REEP1: variants seen among roughly 807,000 people sequenced by gnomAD.
REEP1 encodes the protein receptor accessory protein 1.
Under a neutral mutation model 40.3 loss-of-function variants are expected in REEP1, and 22 were observed. That is an observed-to-expected ratio of 0.55 (90% confidence interval 0.39 to 0.78). The LOEUF (loss-of-function observed/expected upper bound fraction) is 0.78. REEP1 is among the 30% of genes least tolerant of loss of function. The pLI is 0.00. For missense variants in REEP1, 280 were observed against 361.1 expected (o/e 0.78, Z 1.82); for synonymous variants, 116 against 139.2 (o/e 0.83, Z 1.17).
chr2:86,279,248 AG>A (rs1231005530), intron 2 of REEP1, among the ~76,000 whole-genome samples: 1 of 152,238 alleles, frequency 6.6e-6, no homozygotes, highest in Non-Finnish European at 1.5e-5. Context: ...TTGAGATTAC[AG>A]CGCTGAAGAC....
At chr2:86,230,744 G>A (rs1183096697) in intron 6 of REEP1, among the ~76,000 whole-genome samples, 1 of 152,204 alleles carries the variant, frequency 6.6e-6, no homozygotes, top group South Asian at 2.1e-4. Context: ...CTCTACAAAG[G>A]GGTGTCATTC....
intron 3 of REEP1, chr2:86,255,121 G>A (rs1019613462): frequency 1.6e-5 from 5 of 316,396 alleles, no homozygotes; most frequent in Middle Eastern, 1.0e-3. Context: ...CTTCCTGCTG[G>A]GCTGTGCTCA....
chr2:86,273,279 T>A (rs1677562554), intron 2 of REEP1, among the ~76,000 whole-genome samples: 1 of 149,872 alleles, frequency 6.7e-6, no homozygotes, highest in Non-Finnish European at 1.5e-5. Flanking sequence ...AACTGGCCCC[T>A]ACCTTTTTTT....
intron 1 of REEP1, among the ~76,000 whole-genome samples, chr2:86,307,307 A>G (rs965495901): frequency 4.6e-5 from 7 of 152,208 alleles, no homozygotes; most frequent in South Asian, 2.1e-4. Flanking sequence ...ACCATTACCT[A>G]TAGTCACACA....
At chr2:86,278,365 ATT>A (rs1309408983) in intron 2 of REEP1, among the ~76,000 whole-genome samples, 2 of 152,190 alleles carry the variant, frequency 1.3e-5, no homozygotes, top group African/African-American at 4.8e-5. Context: ...AATGCTGAAT[ATT>A]AAGGTTGGGT....
intron 6 of REEP1, among the ~76,000 whole-genome samples, chr2:86,231,232 TG>T (rs567671736): frequency 3.7e-4 from 55 of 149,596 alleles, no homozygotes; most frequent in East Asian, 1.9e-3. Flanking sequence ...ATTCCATTCC[TG>T]GGGGGGGGTC....
chr2:86,262,876 T>C lies in REEP1; in HGVS notation c.182+1089A>G, dbSNP rs1170059130. ...TTAAATACAAACAGAAATCGATATA[T>C]TATTTACAGCTTCTTTCGCCTAAGA... On this transcript the variant is annotated intron_variant, in intron 3 of 8. Transcript: ENST00000538924. Among the ~76,000 whole-genome samples, 4 of 152,252 alleles carry C rather than the reference T, an allele frequency of 2.6e-5. No individual in the cohort carries two copies. The East Asian group carries it at 7.7e-4, about 29-fold the overall frequency.
chr2:86,258,912 T>C (rs1676708519), intron 3 of REEP1, among the ~76,000 whole-genome samples: 1 of 152,192 alleles, frequency 6.6e-6, no homozygotes. Context: ...GACAGATGTG[T>C]TCTAAGAGGG....
chr2:86,228,703 C>T (rs543202844), intron 6 of REEP1, among the ~76,000 whole-genome samples: 10 of 152,228 alleles, frequency 6.6e-5, no homozygotes, highest in Non-Finnish European at 1.5e-4. Flanking sequence ...GGTGATCCAC[C>T]CGCCTTGGCC....
intron 1 of REEP1, among the ~76,000 whole-genome samples, chr2:86,328,292 A>G (rs1259119839): frequency 6.6e-6 from 1 of 152,234 alleles, no homozygotes; most frequent in Non-Finnish European, 1.5e-5. Flanking sequence ...ACTCAGCCCA[A>G]TATTCTGTCT....
At chr2:86,298,388 G>A (rs768242014) in intron 1 of REEP1, among the ~76,000 whole-genome samples, 10 of 152,212 alleles carry the variant, frequency 6.6e-5, no homozygotes, top group Non-Finnish European at 1.0e-4. Context: ...CATCACACCC[G>A]CTCCCTGGAT....
chr2:86,229,052 C>G (rs1281377700), intron 6 of REEP1, among the ~76,000 whole-genome samples: 1 of 152,204 alleles, frequency 6.6e-6, no homozygotes, highest in Non-Finnish European at 1.5e-5. Flanking sequence ...CCACGAGGTG[C>G]AGCTCCCACC....
At chr2:86,283,437 G>A (rs1000990222) in intron 1 of REEP1, among the ~76,000 whole-genome samples, 1 of 152,264 alleles carries the variant, frequency 6.6e-6, no homozygotes, top group South Asian at 2.1e-4. Flanking sequence ...CCCCACAGAC[G>A]GAGCTTTCAG....
At chr2:86,226,956 C>A (rs116715478) in intron 7 of REEP1, among the ~76,000 whole-genome samples, 6 of 152,268 alleles carry the variant, frequency 3.9e-5, no homozygotes, top group African/African-American at 1.4e-4. Flanking sequence ...TGGCTTCCTG[C>A]CTGCCCTCTA....
rs139929841 is a variant in REEP1, at chr2:86,325,221, C to A, written c.32+12258G>T. On this transcript the variant is annotated intron_variant, in intron 1 of 8. Transcript: ENST00000538924. The stretch of plus-strand genomic sequence containing the variant: ...TGTGATCTCACCACTGTACTCCAAT[C>A]TGGGCAATAGAGTGAGATCCTGTCT... 4.5e-3 allele frequency among the ~76,000 whole-genome samples: 682 copies of A among 152,252 alleles called. 10 individuals are homozygous for A. Among genetic ancestry groups the A allele is most frequent in the African/African-American group, 0.016 (661 of 41,546 alleles).
chr2:86,262,795 A>G (rs376178714), intron 3 of REEP1, among the ~76,000 whole-genome samples: 7 of 152,246 alleles, frequency 4.6e-5, no homozygotes, highest in Non-Finnish European at 8.8e-5. Flanking sequence ...ACCCTCGTTA[A>G]CTATATTTTC....
At chr2:86,243,927 C>T (rs1012940729) in intron 5 of REEP1, among the ~76,000 whole-genome samples, 1 of 152,182 alleles carries the variant, frequency 6.6e-6, no homozygotes, top group Admixed American at 6.5e-5. Context: ...GGAATCCTTA[C>T]CCTCTTTGAT....
chr2:86,232,702 G>T lies in REEP1; in HGVS notation c.518C>A (p.Pro173Gln). 6.2e-7 allele frequency: 1 copy of T among 1,611,318 alleles called. No homozygotes were observed. The highest frequency in any genetic ancestry group is 8.5e-7 in the Non-Finnish European group (1 of 1,179,976). ...GAPAPSGPPPPGSGRASGKHG... is the reference protein window; with the variant it reads ...GAPAPSGPPPQGSGRASGKHG... ...TTTGCCGCTGGCCCGCCCAGACCCC[G>T]GTGGTGGGGGGCCCGAGGGAGCAGG... The change falls in exon 6 of 9, where the codon CCG becomes CAG. Residue 173 changes from proline to glutamine, a missense_variant. Pro to Gln is a moderately conservative substitution (Grantham distance 76). Transcript: ENST00000538924.
chr2:86,251,817 A>G (rs762286702), intron 5 of REEP1, 140 bp downstream of exon 5: 22 of 750,948 alleles, frequency 2.9e-5, no homozygotes, highest in Non-Finnish European at 4.8e-5. Flanking sequence ...ATTTTTTTCC[A>G]TCAGATTTTC....
Sources: allele counts gnomAD v4.1 joint callset (sites outside exome capture counted in the v4.1 genomes callset), GRCh38; gene constraint gnomAD v4.1.1; transcripts MANE v1.5; gene names NCBI Gene and HGNC (gene_info 2026-07-23, HGNC 2026-07-21).